Variants in PDE1A observed in about 807,000 individuals in gnomAD.
The protein encoded by PDE1A is phosphodiesterase 1A.
In PDE1A, 35 loss-of-function variants were observed where a neutral mutation model predicts 61.7. That is an observed-to-expected ratio of 0.57 (90% CI 0.43 to 0.75). PDE1A has a LOEUF of 0.75. PDE1A is among the 30% of genes least tolerant of loss of function. The probability of loss-of-function intolerance (pLI) is 0.00; values close to 1 mark genes in which losing one functional copy is unlikely to be tolerated. For synonymous variants in PDE1A, 232 were observed against 213.2 expected (o/e 1.09, Z -0.77); for missense variants, 597 against 630.6 (o/e 0.95, Z 0.57).
chr2:182,384,534 A>C (rs1201772641), intron 1 of PDE1A, among the ~76,000 whole-genome samples: 1 of 151,110 alleles, frequency 6.6e-6, no homozygotes, highest in Non-Finnish European at 1.5e-5. Context: ...CAAAATTAAA[A>C]ATTAAAAATG....
intron 1 of PDE1A, among the ~76,000 whole-genome samples, chr2:182,375,896 AG>A (rs1317373733): frequency 6.6e-6 from 1 of 152,236 alleles, no homozygotes; most frequent in Non-Finnish European, 1.5e-5. Context: ...GAGGCTGCCA[AG>A]GGGTGGCTTG....
At chr2:182,530,955 A>G in the PDE1A span, among the ~76,000 whole-genome samples, 3 of 152,122 alleles carry the variant, frequency 2.0e-5, no homozygotes, top group Non-Finnish European at 4.4e-5. Context: ...TTCTAAGTGT[A>G]TACAGTGGAA....
At chr2:182,317,025 C>T (rs1340170378) in intron 1 of PDE1A, among the ~76,000 whole-genome samples, 1 of 152,090 alleles carries the variant, frequency 6.6e-6, no homozygotes, top group Non-Finnish European at 1.5e-5. Context: ...GTTTTGGTTT[C>T]ACCTTGCTTC....
chr2:182,243,114 T>C (rs1690684025), intron 2 of PDE1A, among the ~76,000 whole-genome samples: 1 of 152,152 alleles, frequency 6.6e-6, no homozygotes. Context: ...GTAAAAATCC[T>C]ATTTGCAATG....
chr2:182,681,323 A>T, the PDE1A span, among the ~76,000 whole-genome samples: 1 of 49,294 alleles, frequency 2.0e-5, no homozygotes, highest in South Asian at 1.0e-3. Flanking sequence ...TATTTATTTT[A>T]GAGAGAGAGA....
chr2:182,594,203 C>CACTCATGTGCATTAAATATAACCCAAATG, the PDE1A span, among the ~76,000 whole-genome samples: 1 of 152,162 alleles, frequency 6.6e-6, no homozygotes, highest in Non-Finnish European at 1.5e-5. Flanking sequence ...TTACTTTTAA[C>CACTCATGTGCATTAAATATAACCCAAATG]ACTCATGTGC....
intron 10 of PDE1A, among the ~76,000 whole-genome samples, chr2:182,192,167 G>T (rs1006321637): frequency 6.6e-6 from 1 of 151,936 alleles, no homozygotes; most frequent in South Asian, 2.1e-4. Context: ...ACTTTCTTGA[G>T]CTAAATTTTA....
intron 1 of PDE1A, among the ~76,000 whole-genome samples, chr2:182,289,407 C>G (rs1036704092): frequency 6.6e-6 from 1 of 151,996 alleles, no homozygotes; most frequent in African/African-American, 2.4e-5. Flanking sequence ...AGGGAGAGCC[C>G]AGCTTCACAT....
At chr2:182,299,695 C>T (rs1695110452) in intron 1 of PDE1A, among the ~76,000 whole-genome samples, 2 of 151,938 alleles carry the variant, frequency 1.3e-5, no homozygotes, top group Admixed American at 6.6e-5. Context: ...CTCTGATATA[C>T]AGTATACAAC....
the PDE1A span, among the ~76,000 whole-genome samples, chr2:182,564,748 G>T: frequency 2.5e-3 from 381 of 152,136 alleles, 1 homozygote; most frequent in African/African-American, 8.7e-3. Context: ...GGCTTTGTTC[G>T]TTTCTTTTTA....
chr2:182,608,495 C>A, the PDE1A span, among the ~76,000 whole-genome samples: 1 of 152,184 alleles, frequency 6.6e-6, no homozygotes, highest in Non-Finnish European at 1.5e-5. Context: ...CTGCGCCAGG[C>A]GCTTGCGGGC....
At chr2:182,161,268 A>G (rs915531896) in intron 13 of PDE1A, among the ~76,000 whole-genome samples, 1 of 152,118 alleles carries the variant, frequency 6.6e-6, no homozygotes, top group Non-Finnish European at 1.5e-5. Flanking sequence ...ACAAGCCTTC[A>G]GCATCCATCG....
intron 1 of PDE1A, among the ~76,000 whole-genome samples, chr2:182,299,251 A>C (rs1206863519): frequency 6.6e-6 from 1 of 151,720 alleles, no homozygotes; most frequent in Non-Finnish European, 1.5e-5. Flanking sequence ...TCTGTCTCAC[A>C]GTGGACATAA....
chr2:182,600,647 A>G, the PDE1A span, among the ~76,000 whole-genome samples: 2 of 152,248 alleles, frequency 1.3e-5, no homozygotes, highest in Admixed American at 6.5e-5. Context: ...TCAGGATGAA[A>G]AGAAAAAAGT....
intron 1 of PDE1A, among the ~76,000 whole-genome samples, chr2:182,394,746 G>T (rs185614411): frequency 6.6e-6 from 1 of 152,282 alleles, no homozygotes; most frequent in Admixed American, 6.5e-5. Flanking sequence ...TGCATAATTG[G>T]CATAGACATA....
the PDE1A span, among the ~76,000 whole-genome samples, chr2:182,603,204 C>T: frequency 2.0e-5 from 3 of 151,806 alleles, no homozygotes; most frequent in Non-Finnish European, 4.4e-5. Context: ...AATTCTCTCA[C>T]CTTTCCTGTC....
chr2:182,285,258 G>A (rs994093132), intron 1 of PDE1A, among the ~76,000 whole-genome samples: 2 of 152,076 alleles, frequency 1.3e-5, no homozygotes, highest in African/African-American at 4.8e-5. Context: ...ACACTCTTCA[G>A]AGTGTTTTCT....
At chr2:182,187,163 C>T (rs569873112) in intron 11 of PDE1A, among the ~76,000 whole-genome samples, 17 of 152,324 alleles carry the variant, frequency 1.1e-4, no homozygotes, top group South Asian at 6.2e-4. Flanking sequence ...TGTTAGTTCA[C>T]AGCATGTGTG....
Position 182,480,822 on chromosome 2 carries a change from T to C in PDE1A, c.101+41454A>G, listed in dbSNP as rs571698350. On this transcript the variant is annotated intron_variant, in intron 2 of 14. Coordinates refer to the PDE1A transcript ENST00000410103. ...ACACTCCCACCTACTAAAAAGATGA[T>C]TGATAGGAAGAAGAAGGAGGCTATG... Among the ~76,000 whole-genome samples the C allele has an allele frequency of 2.0e-3, 309 of 151,886 alleles. 2 individuals carry two copies. Among genetic ancestry groups the C allele is most frequent in the African/African-American group, 7.0e-3 (292 of 41,472 alleles).
Sources: allele counts gnomAD v4.1 joint callset (sites outside exome capture counted in the v4.1 genomes callset), GRCh38; gene constraint gnomAD v4.1.1; transcripts MANE v1.5; gene names NCBI Gene and HGNC (gene_info 2026-07-23, HGNC 2026-07-21).